CLUH: variants seen among roughly 807,000 people sequenced by gnomAD.
CLUH encodes CLUH binding protein of NUMT mRNA.
In CLUH, 77 loss-of-function variants were observed where a neutral mutation model predicts 139.3. That is an observed-to-expected ratio of 0.55 (90% confidence interval 0.46 to 0.67). The LOEUF (loss-of-function observed/expected upper bound fraction) is 0.67, where lower values mean the gene tolerates loss of function less well. Among genes scored for constraint, CLUH ranks in the 30% least tolerant of loss-of-function variants. The pLI, the probability that CLUH is intolerant of heterozygous loss-of-function variation, is 0.00. For missense variants in CLUH, 1,876 were observed against 1,875.8 expected, an observed-to-expected ratio of 1.00 and a Z score of 0.00; for synonymous variants, 999 against 801.6, an observed-to-expected ratio of 1.25 and a Z score of -4.16.
At chr17:2,710,515 C>G (rs111595581) in intron 1 of CLUH, among the ~76,000 whole-genome samples, 5,674 of 152,246 alleles carry the variant, frequency 0.037, 359 homozygotes, top group African/African-American at 0.13. Context: ...CAACTGAGGA[C>G]AGTCGACGGA....
At chr17:2,708,677 A>G (rs1241984663) in intron 1 of CLUH, among the ~76,000 whole-genome samples, 1 of 150,890 alleles carries the variant, frequency 6.6e-6, no homozygotes, top group Non-Finnish European at 1.5e-5. Context: ...CTTTTGAGTC[A>G]CTCCCACTGA....
At chr17:2,692,927 C>G (rs1377938363) in intron 19 of CLUH, 67 bp from the exon 20 acceptor site, 8 of 1,457,402 alleles carry the variant, frequency 5.5e-6, no homozygotes, top group Middle Eastern at 2.0e-4. Flanking sequence ...CCGCCTGGCC[C>G]CGGCCCAGCA....
At chr17:2,710,813 A>T (rs559469214) in intron 1 of CLUH, among the ~76,000 whole-genome samples, 1 of 152,350 alleles carries the variant, frequency 6.6e-6, no homozygotes, top group East Asian at 1.9e-4. Flanking sequence ...CCTTAAAAAC[A>T]GCAACTCTGG....
rs1376619792 is a variant in CLUH at position 2,706,836 on chromosome 17, AG to A, written c.101-2273del. Among the ~76,000 whole-genome samples, 1 of 152,218 alleles carries A rather than the reference AG, an allele frequency of 6.6e-6. No homozygotes were observed. The highest frequency in any genetic ancestry group is 1.5e-5 in the Non-Finnish European group (1 of 68,030). ...TATAGAACAGCAGTTTTGAGCTATG[AG>A]ATCCCAAAAGTGGGGAGTCAAATAC... On this transcript the variant is annotated intron_variant, in intron 1 of 25. Coordinates refer to ENST00000651024, the MANE Select transcript of CLUH (RefSeq NM_001366661.1). This position sits in a 1 kb window ranked among gnomAD's most constrained non-coding sequence, Gnocchi z 4.6.
rs1466966075 is a variant in CLUH, at chr17:2,707,780, A to G, written c.101-3216T>C. On this transcript the variant is annotated intron_variant, in intron 1 of 25. Coordinates refer to ENST00000651024, the MANE Select transcript of CLUH (RefSeq NM_001366661.1). This position sits in a 1 kb window ranked among gnomAD's most constrained non-coding sequence, Gnocchi z 7.4. The stretch of plus-strand genomic sequence containing the variant: ...TGCCCACCAGTCCCAGACACTGAGC[A>G]CCCCACTGTCCCTGGGCCAAGGGCC... 9 of 985,164 alleles carry G rather than the reference A, an allele frequency of 9.1e-6. No homozygotes were observed. The highest frequency in any genetic ancestry group is 5.2e-4 in the Middle Eastern group (1 of 1,936). 61.0% of individuals were successfully genotyped at this position (985,164 alleles called of 1,614,324 possible). A position where few individuals can be genotyped will look rare whatever the true frequency, so the allele number is the denominator to read the frequency against.
At chr17:2,696,644 C>T (rs1170817866) in intron 11 of CLUH, 75 bp downstream of exon 11, 23 of 1,569,320 alleles carry the variant, frequency 1.5e-5, no homozygotes, top group East Asian at 4.6e-5. Flanking sequence ...CTGCCAGCCT[C>T]TCCCAGGTGG....
intron 1 of CLUH, among the ~76,000 whole-genome samples, chr17:2,705,273 C>T (rs1277802653): frequency 2.0e-5 from 3 of 152,160 alleles, no homozygotes; most frequent in Admixed American, 6.5e-5. Context: ...CCACGGGACC[C>T]GGCCTCTGCA....
In CLUH at chr17:2,701,465, T is replaced by G; in HGVS notation, c.800A>C (p.Asn267Thr). 3 of 1,613,818 alleles carry G rather than the reference T, an allele frequency of 1.9e-6. No homozygotes were observed. The highest frequency in any genetic ancestry group is 2.5e-6 in the Non-Finnish European group (3 of 1,179,844). The change falls in exon 6 of 26, where the codon AAC becomes ACC. Residue 267 changes from asparagine to threonine, a missense_variant. Physicochemically the swap from Asn to Thr is moderately conservative, Grantham distance 65 (BLOSUM62 0). Transcript: ENST00000651024. ...CATGAGGTCCCCGTGCATCTTCCGG[T>G]TCCCCGGGGGCGGGTTCCATCCGCT... Reference protein sequence around the residue: ...TMSGWNPPPGNRKMHGDLMYL... With the variant: ...TMSGWNPPPGTRKMHGDLMYL...
Position 2,695,694 on chromosome 17 carries a change from C to T in CLUH, c.2392-168G>A, listed in dbSNP as rs955245029. 3 of 892,174 alleles carry T rather than the reference C, an allele frequency of 3.4e-6. No individual in the cohort carries two copies. The African/African-American group carries it at 5.1e-5, about 15-fold the overall frequency. The allele number at this position is 892,174 out of a possible 1,614,324, so 55.3% of individuals were successfully genotyped here. On this transcript the variant is annotated intron_variant, in intron 13 of 25. Transcript: ENST00000651024. ...CCCAGCCTCTGGCAGGAGCGCAGGC[C>T]AAGAACCAAGAGCCCGGTGGTGGTA...
At chr17:2,692,734 A>C in intron 20 of CLUH, 38 bp from the exon 21 acceptor site, 1 of 1,600,840 alleles carries the variant, frequency 6.2e-7, no homozygotes, top group Middle Eastern at 1.7e-4. Context: ...GTGGCCGCGG[A>C]CCCAGCCCCT....
At position 2,691,869 on chromosome 17, in the gene CLUH, C is replaced by G. The variant is rs1242981726; in HGVS notation, c.3681G>C (p.Lys1227Asn). 6.5e-7 allele frequency: 1 copy of G among 1,544,100 alleles called. No individual in the cohort carries two copies. The highest frequency in any genetic ancestry group is 8.7e-7 in the Non-Finnish European group (1 of 1,146,410). Residue 1227 changes from lysine (K) to asparagine (N), a missense_variant, in exon 24 of 26, where the codon AAG becomes AAC. Physicochemically the swap from Lys to Asn is moderately conservative, Grantham distance 94 (BLOSUM62 0). This residue lies in a region of CLUH where 1,454 missense variants were observed against 1,384.4 expected (regional missense o/e 1.05). Transcript: ENST00000651024. The part of the protein sequence containing the change: ...TQLGEDHEKT[K>N]ESSEYLKCLT... ...GGCACTTGAGGTACTCGGAGCTTTC[C>G]TTGGTCTTCTCATGGTCCTCGCCCA...
chr17:2,708,408 A>T (rs1223979626), intron 1 of CLUH, among the ~76,000 whole-genome samples: 1 of 151,976 alleles, frequency 6.6e-6, no homozygotes, highest in Non-Finnish European at 1.5e-5. Context: ...AAGTGTTGAC[A>T]ACCACCTGCA....
chr17:2,695,759 G>A (rs1032689043), intron 13 of CLUH: 7 of 614,230 alleles, frequency 1.1e-5, no homozygotes, highest in East Asian at 5.6e-5. Context: ...AGAGGTGCCC[G>A]CTTGGGGGCA....
Position 2,707,161 on chromosome 17 carries a change from C to G in CLUH, c.101-2597G>C. On this transcript the variant is annotated intron_variant, in intron 1 of 25. Transcript: ENST00000651024. This position sits in a 1 kb window ranked among gnomAD's most constrained non-coding sequence, Gnocchi z 7.4. ...CAGGCAGCTGGCTGGCTCACCAGGT[C>G]CCGGTGCTCACCTGGTGCAGTTGGC... 2 of 984,832 alleles carry G rather than the reference C, an allele frequency of 2.0e-6. No homozygotes were observed. The highest frequency in any genetic ancestry group is 2.4e-6 in the Non-Finnish European group (2 of 829,398). 61.0% of individuals were successfully genotyped at this position (984,832 alleles called of 1,614,324 possible).
rs2070343899 is a variant in CLUH, at chr17:2,706,156, C to T, written c.101-1592G>A. On this transcript the variant is annotated intron_variant, in intron 1 of 25. Transcript: ENST00000651024. The surrounding 1 kb of genome is among the most constrained non-coding windows in gnomAD (Gnocchi z 4.6). ...CAGGAGCGGGGACAGGTGCCTTTCC[C>T]AGAACTGTGTGGTCCCAATCCGGAC... is the stretch of plus-strand genomic sequence containing the variant. Among the ~76,000 whole-genome samples, 1 of 152,140 alleles carries T rather than the reference C, an allele frequency of 6.6e-6. No homozygotes were observed. Among genetic ancestry groups the T allele is most frequent in the Non-Finnish European group, 1.5e-5 (1 of 68,030 alleles).
Position 2,692,076 on chromosome 17 carries a change from G to A in CLUH, c.3582C>T (p.Val1194=), listed in dbSNP as rs2069706855. 2 of 1,603,756 alleles carry A rather than the reference G, an allele frequency of 1.2e-6. No individual in the cohort carries two copies. Among genetic ancestry groups the A allele is most frequent in the African/African-American group, 2.7e-5 (2 of 74,678 alleles). The part of the protein sequence containing the change: ...VALSHHLVAR[V]YESKAEFRSA... ...ACCGGAACTCAGCTTTGCTCTCGTA[G>A]ACTCGGGCGACAAGGTGGTGGCTGC... The change falls in exon 23 of 26, where the codon GTC becomes GTT. Residue 1194 remains valine (V), a synonymous_variant. Transcript: ENST00000651024.
chr17:2,700,700 T>C lies in CLUH; in HGVS notation c.1151A>G (p.Tyr384Cys), dbSNP rs749523200. 5.2e-6 allele frequency: 8 copies of C among 1,529,730 alleles called. No homozygotes were observed. Among genetic ancestry groups the C allele is most frequent in the East Asian group, 4.5e-5 (2 of 44,274 alleles). 94.8% of individuals were successfully genotyped at this position (1,529,730 alleles called of 1,614,324 possible). A position where few individuals can be genotyped will look rare whatever the true frequency, so the allele number is the denominator to read the frequency against. ...AEDAYTSRLG[Y>C]EEHIPGQTRD... ...CACCTGTCCAGGAATGTGCTCCTCA[T>C]AGCCCAGCCTCGAGGTGTAGGCGTC... The change falls in exon 8 of 26, where the codon TAT becomes TGT. Residue 384 changes from tyrosine to cysteine, a missense_variant. Around this residue, in one of 3 missense-constraint regions of CLUH, gnomAD observed 1,454 missense variants for 1,384.4 expected, o/e 1.05. Transcript: ENST00000651024.
intron 6 of CLUH, 39 bp downstream of exon 6, chr17:2,701,327 G>C (rs773236852): frequency 5.6e-6 from 9 of 1,606,580 alleles, no homozygotes; most frequent in African/African-American, 1.3e-5. Flanking sequence ...CAGGACGGCT[G>C]GCACGGCAGG....
Position 2,694,507 on chromosome 17 carries a change from C to A in CLUH, c.2910G>T (p.Arg970=). 1 of 1,583,762 alleles carries A rather than the reference C, an allele frequency of 6.3e-7. No individual in the cohort carries two copies. Among genetic ancestry groups the A allele is most frequent in the East Asian group, 2.3e-5 (1 of 43,346 alleles). Residue 970 remains arginine, a synonymous_variant, in exon 17 of 26, where the codon CGG becomes CGT. Coordinates refer to ENST00000651024, the MANE Select transcript of CLUH (RefSeq NM_001366661.1). ...TYGLQKITLL[R]EISLKTGIQV... is the part of the protein sequence containing the mutation. ...GGATCCCTGTTTTCAGCGAGATCTC[C>A]CGCAGGAGCGTTATCTTCTGCAGGC...
Sources: gnomAD v4.1 joint callset for allele counts (sites outside exome capture counted in the v4.1 genomes callset) on GRCh38, gnomAD v4.1.1 for gene constraint, gnomAD v4.1.1 regional missense constraint, Gnocchi (gnomAD v3.1) non-coding constraint, MANE v1.5 for transcripts, NCBI Gene and HGNC (gene_info 2026-07-23, HGNC 2026-07-21) for gene names.